NUCB1: variants seen among roughly 807,000 people sequenced by gnomAD.
NUCB1 encodes the protein nucleobindin 1.
NUCB1 carries 47 observed loss-of-function variants against 61.2 expected under a neutral mutation model. That is an observed-to-expected ratio of 0.77 (90% CI 0.61 to 0.98). The LOEUF (loss-of-function observed/expected upper bound fraction) is 0.98, where lower values mean the gene tolerates loss of function less well. Ranked by LOEUF, NUCB1 falls within the 50% of genes least tolerant of loss-of-function variation. The pLI is 0.00. For missense variants in NUCB1, 583 were observed against 605.3 expected (o/e 0.96, Z 0.39); for synonymous variants, 234 against 243.1 (o/e 0.96, Z 0.35).
Position 48,913,132 on chromosome 19 carries a change from A to G in NUCB1, c.602A>G (p.Glu201Gly), listed in dbSNP as rs1253236460. ...LESLGEEQRK[E>G]AERKLEEQQR... ...TCACTGGGAGAGGAGCAGAGAAAGG[A>G]GGCGGAGAGGAAGCTGGAAGAGCAA... The change falls in exon 6 of 13, where the codon GAG becomes GGG. Residue 201 changes from glutamate to glycine, a missense_variant. Transcript: ENST00000405315. 2 of 1,613,870 alleles carry G rather than the reference A, an allele frequency of 1.2e-6. No homozygotes were observed. Among genetic ancestry groups the G allele is most frequent in the South Asian group, 1.1e-5 (1 of 91,064 alleles).
At chr19:48,913,968 C>CTTT (rs767741319) in intron 7 of NUCB1, among the ~76,000 whole-genome samples, 1,461 of 139,284 alleles carry the variant, frequency 0.01, 27 homozygotes, top group African/African-American at 0.037. Flanking sequence ...TTTCTTTTTC[C>CTTT]TTTTTTTTTT....
At position 48,913,009 on chromosome 19, in the gene NUCB1, A is replaced by G; in HGVS notation, c.481-2A>G. On this transcript the variant is annotated splice_acceptor_variant, in intron 5 of 12. Transcript: ENST00000405315. LOFTEE classifies it high-confidence loss of function. Reference sequence around the variant, plus strand: ...GGGGAATGACCCTGTGCCTTTCCCCAGGCCACCCGGGACCTTGCCCAGTAC... The same window carrying G: ...GGGGAATGACCCTGTGCCTTTCCCCGGGCCACCCGGGACCTTGCCCAGTAC... 1 of 1,601,942 alleles carries G rather than the reference A, an allele frequency of 6.2e-7. No homozygotes were observed. Among genetic ancestry groups the G allele is most frequent in the Non-Finnish European group, 8.5e-7 (1 of 1,173,872 alleles).
At chr19:48,914,054 T>G (rs1234191548) in intron 7 of NUCB1, among the ~76,000 whole-genome samples, 16 of 147,502 alleles carry the variant, frequency 1.1e-4, no homozygotes, top group Admixed American at 7.6e-4. Flanking sequence ...TGCAACCCCC[T>G]GCCCTCCGCC....
In NUCB1 at chr19:48,913,088, G is replaced by A; in HGVS notation, c.558G>A (p.Glu186=). 2 of 1,613,764 alleles carry A rather than the reference G, an allele frequency of 1.2e-6. No homozygotes were observed. Among genetic ancestry groups the A allele is most frequent in the Non-Finnish European group, 1.7e-6 (2 of 1,179,958 alleles). ...GCTACGAGATGCTTAAGGAACACGA[G>A]AGACGGCGTTATCTGGAGTCACTGG... ...FKRYEMLKEH[E]RRRYLESLGE... Residue 186 remains glutamate, a synonymous_variant, in exon 6 of 13, where the codon GAG becomes GAA. Coordinates refer to ENST00000405315, the MANE Select transcript of NUCB1 (RefSeq NM_006184.6).
chr19:48,916,991 G>A (rs1261961083), intron 7 of NUCB1, among the ~76,000 whole-genome samples: 2 of 151,988 alleles, frequency 1.3e-5, no homozygotes, highest in South Asian at 2.1e-4. Flanking sequence ...AAGCCAAGGC[G>A]GCTGGATCCC....
At position 48,904,332 on chromosome 19, in the gene NUCB1, T is replaced by C. The variant is rs2037388816; in HGVS notation, c.136-15T>C. 6.4e-7 allele frequency: 1 copy of C among 1,572,034 alleles called. No homozygotes were observed. Among genetic ancestry groups the C allele is most frequent in the African/African-American group, 1.3e-5 (1 of 74,208 alleles). ...ATGGGAGCAGGGGCTGCTATGTCTG[T>C]CCTTGTTGCCTCAGGACACAGGCCT... On this transcript the variant is annotated splice_polypyrimidine_tract_variant and intron_variant, in intron 2 of 12. Transcript: ENST00000405315.
intron 7 of NUCB1, among the ~76,000 whole-genome samples, chr19:48,917,008 C>A (rs1188709274): frequency 6.6e-6 from 1 of 152,040 alleles, no homozygotes; most frequent in Admixed American, 6.6e-5. Context: ...TCCCTTGAGA[C>A]CAGGAGTTCA....
chr19:48,905,692 A>C, intron 3 of NUCB1, 61 bp from the exon 4 acceptor site: 1 of 1,601,098 alleles, frequency 6.2e-7, no homozygotes, highest in Admixed American at 1.7e-5. Flanking sequence ...AGCTTATAAG[A>C]AGCTTCCAGA....
At chr19:48,901,588 A>G (rs1320126905) in intron 2 of NUCB1, among the ~76,000 whole-genome samples, 1 of 152,138 alleles carries the variant, frequency 6.6e-6, no homozygotes, top group Non-Finnish European at 1.5e-5. Context: ...ACATGGCAAA[A>G]CCCCATCTCT....
intron 8 of NUCB1, 62 bp from the exon 9 acceptor site, chr19:48,918,968 T>C: frequency 3.3e-6 from 5 of 1,527,548 alleles, no homozygotes; most frequent in Non-Finnish European, 4.5e-6. Flanking sequence ...GGAGTTGAAG[T>C]TGTCGGGAAT....
intron 4 of NUCB1, among the ~76,000 whole-genome samples, chr19:48,908,720 G>GT (rs1478608865): frequency 1.8e-5 from 2 of 109,978 alleles, no homozygotes; most frequent in Admixed American, 2.0e-4. Flanking sequence ...CTTGACCAAG[G>GT]GGTGTGTGTG....
chr19:48,919,761 ATT>A (rs869087543), intron 10 of NUCB1, among the ~76,000 whole-genome samples: 1 of 80,986 alleles, frequency 1.2e-5, no homozygotes, highest in Non-Finnish European at 2.2e-5. Flanking sequence ...TAGAGGTGTG[ATT>A]TTTTTTTTTT....
Position 48,913,549 on chromosome 19 carries a change from T to C in NUCB1, c.742T>C (p.Phe248Leu). Residue 248 changes from phenylalanine to leucine, a missense_variant, in exon 7 of 13, where the codon TTC (phenylalanine) becomes CTC (leucine). Phe to Leu is a conservative substitution (Grantham distance 22). Transcript: ENST00000405315. ...CCCCAACAGGTTTAACCCCAAGACCTTCTTCATACTGCATGGTAAGGTGGG... is the reference window on the plus strand; with the variant it reads ...CCCCAACAGGTTTAACCCCAAGACCCTCTTCATACTGCATGGTAAGGTGGG... ...LDPNRFNPKT[F>L]FILHDINSDG... is the part of the protein sequence containing the mutation. 1 of 1,613,736 alleles carries C rather than the reference T, an allele frequency of 6.2e-7. No individual in the cohort carries two copies. The highest frequency in any genetic ancestry group is 8.5e-7 in the Non-Finnish European group (1 of 1,179,668).
intron 7 of NUCB1, among the ~76,000 whole-genome samples, chr19:48,915,654 T>G (rs2037531195): frequency 6.6e-6 from 1 of 152,006 alleles, no homozygotes; most frequent in Non-Finnish European, 1.5e-5. Flanking sequence ...CACGTACCAC[T>G]ATGCCTGGCT....
chr19:48,919,001 T>C (rs747752073), intron 8 of NUCB1, 29 bp from the exon 9 acceptor site: 130 of 1,604,946 alleles, frequency 8.1e-5, no homozygotes, highest in Non-Finnish European at 9.7e-5. Flanking sequence ...GACCTCTCAA[T>C]GCTGTCTGCC....
chr19:48,902,876 G>C (rs2037367211), intron 2 of NUCB1, among the ~76,000 whole-genome samples: 1 of 151,706 alleles, frequency 6.6e-6, no homozygotes. Context: ...GAGAGGGAGG[G>C]GAGAGGGGGA....
At chr19:48,921,783 C>T (rs1338933088) in intron 11 of NUCB1, 44 bp from the exon 12 acceptor site, 43 of 1,579,062 alleles carry the variant, frequency 2.7e-5, no homozygotes, top group Non-Finnish European at 3.6e-5. Context: ...CTTGCAATGC[C>T]AGCATCACAC....
At chr19:48,920,332 T>C (rs1331015219) in intron 10 of NUCB1, among the ~76,000 whole-genome samples, 1 of 152,006 alleles carries the variant, frequency 6.6e-6, no homozygotes, top group Non-Finnish European at 1.5e-5. Context: ...CTTTTATTTA[T>C]TTATTAATAT....
At chr19:48,921,996 G>A (rs527851994) in intron 12 of NUCB1, 64 bp downstream of exon 12, 2 of 1,293,614 alleles carry the variant, frequency 1.5e-6, no homozygotes, top group Admixed American at 2.1e-5. Context: ...AGGTTGGAGG[G>A]GCTGGGCCTG....
Sources: allele counts gnomAD v4.1 joint callset (sites outside exome capture counted in the v4.1 genomes callset), GRCh38; gene constraint gnomAD v4.1.1; transcripts MANE v1.5; gene names NCBI Gene and HGNC (gene_info 2026-07-23, HGNC 2026-07-21).